The following DENND2B variants were observed in gnomAD, a reference collection of about 807,000 sequenced individuals.
DENND2B encodes the protein DENN domain-containing protein 2B.
In DENND2B, 32 loss-of-function variants were observed where a neutral mutation model predicts 116.0. The ratio of observed to expected loss-of-function variants is 0.28; its 90% CI spans 0.21 to 0.37. DENND2B has a LOEUF of 0.37. DENND2B is among the 10% of genes least tolerant of loss of function. The probability of loss-of-function intolerance (pLI) is 1.00; values close to 1 mark genes in which losing one functional copy is unlikely to be tolerated. For synonymous variants in DENND2B, 588 were observed against 583.9 expected (o/e 1.01, Z -0.10); for missense variants, 1,276 against 1,477.7 (o/e 0.86, Z 2.24).
At chr11:8,742,748 A>G (rs1409735055) in intron 2 of DENND2B, among the ~76,000 whole-genome samples, 1 of 152,252 alleles carries the variant, frequency 6.6e-6, no homozygotes, top group Non-Finnish European at 1.5e-5. Flanking sequence ...GCAGGAAAAC[A>G]TTCTCAAATT....
At chr11:8,845,171 T>G (rs935970666) in intron 3 of DENND2B, 1 of 152,218 alleles carries the variant, frequency 6.6e-6, no homozygotes, top group African/African-American at 2.4e-5. Context: ...ACATAAAAAG[T>G]AAAATTTTAT....
rs1451828091 is a variant in DENND2B at position 8,804,045 on chromosome 11, C to G, written c.-26+6472G>C. Among the ~76,000 whole-genome samples the G allele has an allele frequency of 2.0e-5, 3 of 152,170 alleles. No individual in the cohort carries two copies. The East Asian group carries it at 5.8e-4, about 29-fold the overall frequency. On this transcript the variant is annotated intron_variant, in intron 1 of 19. Coordinates refer to ENST00000313726, the MANE Select transcript of DENND2B (RefSeq NM_213618.2). ...AAGCAGTTCTGGATGGACGGGTCTC[C>G]CCGTCTGTGAGGAGTGAGCATCCCA... is the stretch of plus-strand genomic sequence containing the variant.
chr11:8,803,173 G>A (rs1313535575), intron 1 of DENND2B, among the ~76,000 whole-genome samples: 1 of 151,812 alleles, frequency 6.6e-6, no homozygotes, highest in Non-Finnish European at 1.5e-5. Flanking sequence ...TCACTTGAGG[G>A]CAGGAGTTGG....
chr11:8,876,531 G>T (rs2063842969), intron 2 of DENND2B, among the ~76,000 whole-genome samples: 1 of 151,926 alleles, frequency 6.6e-6, no homozygotes, highest in African/African-American at 2.4e-5. Flanking sequence ...CCATTTATTT[G>T]ATTTTATCCT....
At position 8,852,965 on chromosome 11, in the gene DENND2B, CAT is replaced by C. The variant is rs767932647; in HGVS notation, c.-156+4376_-156+4377del. The stretch of plus-strand genomic sequence containing the variant: ...CTAATTAAACTTCGTGATTAAAATT[CAT>C]GTGAAAATCTAACCCCAAGGTGATG... On this transcript the variant is annotated intron_variant, in intron 3 of 6. Coordinates refer to the DENND2B transcript ENST00000524757. Among the ~76,000 whole-genome samples the C allele has an allele frequency of 1.1e-3, 167 of 152,316 alleles. 1 individual carries two copies. Among genetic ancestry groups the C allele is most frequent in the Non-Finnish European group, 1.7e-3 (119 of 68,030 alleles).
At chr11:8,725,937 C>A in intron 4 of DENND2B, 136 bp downstream of exon 4, 2 of 1,286,766 alleles carry the variant, frequency 1.6e-6, no homozygotes, top group Admixed American at 2.0e-5. Flanking sequence ...CCCCTGATGT[C>A]CCATTCCAGG....
At chr11:8,740,405 A>C (rs1350387183) in intron 2 of DENND2B, among the ~76,000 whole-genome samples, 3 of 152,200 alleles carry the variant, frequency 2.0e-5, no homozygotes, top group Non-Finnish European at 4.4e-5. Context: ...ATTTGTGCTA[A>C]GGAATGCCTC....
chr11:8,700,118 C>A, intron 14 of DENND2B: 2 of 405,758 alleles, frequency 4.9e-6, no homozygotes, highest in South Asian at 3.5e-5. Flanking sequence ...GAGGGTAGAA[C>A]CTTCAGGAAA....
At chr11:8,775,124 G>A (rs959333896) in intron 1 of DENND2B, among the ~76,000 whole-genome samples, 17 of 151,978 alleles carry the variant, frequency 1.1e-4, no homozygotes, top group Non-Finnish European at 2.2e-4. Context: ...CAAGTGACCC[G>A]CCCGCCTTGA....
intron 16 of DENND2B, 92 bp from the exon 17 acceptor site, chr11:8,697,728 C>G (rs2040628223): frequency 3.8e-6 from 3 of 793,514 alleles, no homozygotes; most frequent in Non-Finnish European, 6.7e-6. Flanking sequence ...AGTAGATAAT[C>G]TCATTTATCT....
intron 1 of DENND2B, among the ~76,000 whole-genome samples, chr11:8,769,480 G>A (rs1335307759): frequency 2.6e-5 from 4 of 152,024 alleles, no homozygotes; most frequent in South Asian, 2.1e-4. Flanking sequence ...GGCTGGTATC[G>A]AACTCCTGAC....
chr11:8,699,207 G>A lies in DENND2B; in HGVS notation c.2898+6C>T, dbSNP rs201947247. The A allele has an allele frequency of 1.8e-5, 28 of 1,552,324 alleles. No homozygotes were observed. In the East Asian group the frequency reaches 6.3e-4, roughly 35 times the overall value. On this transcript the variant is annotated splice_donor_region_variant and intron_variant, in intron 15 of 19. Coordinates refer to ENST00000313726, the MANE Select transcript of DENND2B (RefSeq NM_213618.2). ...TTCCCCCCAGCTGGTTCCCCCGGTGGCCCACCTCCTCCACAGGCAGCTCCT... is the reference window on the plus strand; with the variant it reads ...TTCCCCCCAGCTGGTTCCCCCGGTGACCCACCTCCTCCACAGGCAGCTCCT...
At chr11:8,812,691 T>C (rs1411164608), upstream of DENND2B, among the ~76,000 whole-genome samples, 1 of 152,160 alleles carries the variant, frequency 6.6e-6, no homozygotes, top group Non-Finnish European at 1.5e-5. Flanking sequence ...GCAAGTCCCA[T>C]GACTTCCCCC....
intron 9 of DENND2B, chr11:8,711,903 C>T (rs1378929019): frequency 6.8e-6 from 3 of 441,280 alleles, no homozygotes; most frequent in Non-Finnish European, 1.4e-5. Context: ...GGGTTATGTA[C>T]CAGAGCAAGC....
chr11:8,754,011 A>T (rs1452956194), intron 1 of DENND2B, among the ~76,000 whole-genome samples: 1 of 138,316 alleles, frequency 7.2e-6, no homozygotes, highest in East Asian at 2.1e-4. Context: ...GGTTTCTTAG[A>T]TATAACACCA....
intron 4 of DENND2B, among the ~76,000 whole-genome samples, chr11:8,825,344 T>C (rs1314081395): frequency 1.3e-5 from 2 of 152,194 alleles, no homozygotes; most frequent in African/African-American, 2.4e-5. Context: ...TGTCTGTTCA[T>C]GTCCTTTGCC....
At chr11:8,833,837 C>G (rs1420512672) in intron 4 of DENND2B, among the ~76,000 whole-genome samples, 1 of 152,122 alleles carries the variant, frequency 6.6e-6, no homozygotes, top group Non-Finnish European at 1.5e-5. Flanking sequence ...CCCATCCTTA[C>G]CTCAAAATTG....
intron 1 of DENND2B, among the ~76,000 whole-genome samples, chr11:8,882,982 T>C (rs1157665225): frequency 6.6e-6 from 1 of 152,194 alleles, no homozygotes; most frequent in East Asian, 1.9e-4. Context: ...AGTGAGAGTC[T>C]GTCTCAATCA....
At chr11:8,897,471 T>A (rs2064117509) in intron 1 of DENND2B, among the ~76,000 whole-genome samples, 1 of 152,202 alleles carries the variant, frequency 6.6e-6, no homozygotes, top group Non-Finnish European at 1.5e-5. Flanking sequence ...CAATGTAATT[T>A]GGTGCATAGG....
Sources: gnomAD v4.1 joint callset for allele counts (sites outside exome capture counted in the v4.1 genomes callset) on GRCh38, gnomAD v4.1.1 for gene constraint, MANE v1.5 for transcripts, NCBI Gene and HGNC (gene_info 2026-07-23, HGNC 2026-07-21) for gene names.